SYN3: variants seen among roughly 807,000 people sequenced by gnomAD.
The protein encoded by SYN3 is synapsin-3.
A neutral mutation model predicts 65.8 loss-of-function variants in SYN3; 35 were observed. That is an observed-to-expected ratio of 0.53 (90% confidence interval 0.41 to 0.70). The LOEUF (loss-of-function observed/expected upper bound fraction) is 0.70. Ranked by LOEUF, SYN3 falls within the 30% of genes least tolerant of loss-of-function variation. SYN3 has a pLI of 0.00. For missense variants in SYN3, 680 were observed against 749.0 expected (o/e 0.91, Z 1.08); for synonymous variants, 270 against 292.9 (o/e 0.92, Z 0.80).
At chr22:32,713,654 C>G (rs2060996034) in intron 6 of SYN3, among the ~76,000 whole-genome samples, 1 of 152,060 alleles carries the variant, frequency 6.6e-6, no homozygotes, top group South Asian at 2.1e-4. Context: ...CACGGTGAAA[C>G]CCCGTCTCTA....
At chr22:32,699,135 G>A (rs960561034) in intron 6 of SYN3, among the ~76,000 whole-genome samples, 3 of 152,224 alleles carry the variant, frequency 2.0e-5, no homozygotes, top group Non-Finnish European at 4.4e-5. Context: ...GCTCCATTGA[G>A]CTTGGCGGAG....
At chr22:32,979,581 C>T (rs2052311823) in intron 3 of SYN3, among the ~76,000 whole-genome samples, 1 of 152,144 alleles carries the variant, frequency 6.6e-6, no homozygotes. Flanking sequence ...ATTTTTACAG[C>T]AAGGACCTTG....
In SYN3 at chr22:32,509,210, C is replaced by T. The variant is rs987394958; in HGVS notation, c.*4482G>A. Among the ~76,000 whole-genome samples, 5 of 152,154 alleles carry T rather than the reference C, an allele frequency of 3.3e-5. No individual in the cohort carries two copies. The highest frequency in any genetic ancestry group is 1.9e-4 in the East Asian group (1 of 5,192). ...CTTTTCTGTGGCTGGTAGAGCTGTC[C>T]GCTAAGGCTGCGTTTTTAAATCCCT... On this transcript the variant is annotated 3_prime_UTR_variant, in exon 14 of 14. Coordinates refer to ENST00000358763, the MANE Select transcript of SYN3 (RefSeq NM_003490.4).
intron 6 of SYN3, among the ~76,000 whole-genome samples, chr22:32,766,025 T>C (rs1047650832): frequency 6.6e-6 from 1 of 151,980 alleles, no homozygotes; most frequent in African/African-American, 2.4e-5. Context: ...AAGGTTTTTG[T>C]TGTTGTTGTT....
chr22:32,759,073 C>G (rs2045379155), intron 6 of SYN3, among the ~76,000 whole-genome samples: 1 of 152,144 alleles, frequency 6.6e-6, no homozygotes, highest in Non-Finnish European at 1.5e-5. Context: ...CTCTCAATAT[C>G]TCTCTAAGTT....
At chr22:32,604,862 C>T (rs147807134) in intron 6 of SYN3, among the ~76,000 whole-genome samples, 5 of 151,672 alleles carry the variant, frequency 3.3e-5, no homozygotes, top group Admixed American at 1.3e-4. Flanking sequence ...AAAAATTAGC[C>T]GGGCGTGGTG....
At chr22:32,858,251 G>C (rs1264133948) in intron 6 of SYN3, 20 of 1,480,646 alleles carry the variant, frequency 1.4e-5, no homozygotes, top group Non-Finnish European at 1.8e-5. Context: ...GTATGCATGT[G>C]TTAGGCCAGG....
At chr22:32,941,648 G>C (rs1373719864) in intron 3 of SYN3, among the ~76,000 whole-genome samples, 1 of 152,172 alleles carries the variant, frequency 6.6e-6, no homozygotes, top group African/African-American at 2.4e-5. Flanking sequence ...AGCAGGGCGA[G>C]GCATCGCCTC....
chr22:32,856,981 G>A (rs538448706), intron 6 of SYN3, among the ~76,000 whole-genome samples: 2 of 152,186 alleles, frequency 1.3e-5, no homozygotes, highest in Non-Finnish European at 2.9e-5. Context: ...TGCCACAAAT[G>A]ACAAGATTTC....
chr22:32,797,494 A>C (rs1169985418), intron 6 of SYN3, among the ~76,000 whole-genome samples: 3 of 152,116 alleles, frequency 2.0e-5, no homozygotes, highest in Non-Finnish European at 4.4e-5. Context: ...AGGATGTGGA[A>C]GAGTTCAGTA....
intron 3 of SYN3, among the ~76,000 whole-genome samples, chr22:32,944,179 T>C (rs1323466822): frequency 1.3e-5 from 2 of 152,176 alleles, no homozygotes; most frequent in Non-Finnish European, 2.9e-5. Flanking sequence ...TATTCCAAAA[T>C]TGACCACATA....
chr22:32,513,919 C>T (rs2057727784), intron 13 of SYN3, 95 bp from the exon 14 acceptor site: 2 of 1,504,366 alleles, frequency 1.3e-6, no homozygotes, highest in African/African-American at 1.4e-5. Flanking sequence ...ATGGGCTACC[C>T]CAATCATCAT....
intron 3 of SYN3, among the ~76,000 whole-genome samples, chr22:32,940,252 A>C (rs2050897192): frequency 6.6e-6 from 1 of 152,174 alleles, no homozygotes; most frequent in Non-Finnish European, 1.5e-5. Flanking sequence ...TATATTGTAG[A>C]TATGAGTTCT....
At chr22:32,979,550 T>C (rs2052310932) in intron 3 of SYN3, among the ~76,000 whole-genome samples, 3 of 152,216 alleles carry the variant, frequency 2.0e-5, no homozygotes, top group South Asian at 4.1e-4. Context: ...CCCCCCATTT[T>C]AAAAATTGTA....
chr22:32,732,116 G>A (rs562024026), intron 6 of SYN3, among the ~76,000 whole-genome samples: 1 of 152,318 alleles, frequency 6.6e-6, no homozygotes, highest in East Asian at 1.9e-4. Context: ...AGAGATGCAA[G>A]CACCTTCACT....
intron 4 of SYN3, among the ~76,000 whole-genome samples, chr22:32,874,328 G>A (rs910798248): frequency 1.3e-5 from 2 of 152,090 alleles, no homozygotes; most frequent in African/African-American, 4.8e-5. Context: ...ACCTTTAACC[G>A]TAATATGAGC....
At chr22:32,710,771 C>A (rs13054529) in intron 6 of SYN3, among the ~76,000 whole-genome samples, 1 of 151,808 alleles carries the variant, frequency 6.6e-6, no homozygotes, top group Non-Finnish European at 1.5e-5. Context: ...TGAGGCCTTC[C>A]GAGAAACCAA....
At chr22:32,893,699 C>A (rs1040074064) in intron 4 of SYN3, among the ~76,000 whole-genome samples, 8 of 152,104 alleles carry the variant, frequency 5.3e-5, no homozygotes, top group Admixed American at 5.2e-4. Context: ...TATGCTATTC[C>A]TTTGGAATAG....
chr22:32,962,338 G>C (rs1463393710), intron 3 of SYN3, among the ~76,000 whole-genome samples: 2 of 151,922 alleles, frequency 1.3e-5, no homozygotes, highest in African/African-American at 4.8e-5. Flanking sequence ...GTTTCACTAT[G>C]TTGGCCAGGA....
Sources: allele counts gnomAD v4.1 joint callset (sites outside exome capture counted in the v4.1 genomes callset), GRCh38; gene constraint gnomAD v4.1.1; transcripts MANE v1.5; gene names NCBI Gene and HGNC (gene_info 2026-07-23, HGNC 2026-07-21).